ARHGAP32: variants seen among roughly 807,000 people sequenced by gnomAD.
The protein encoded by ARHGAP32 is Rho GTPase activating protein 32, also known as rho GTPase-activating protein 32.
In ARHGAP32, 51 loss-of-function variants were observed where a neutral mutation model predicts 186.5. The observed-to-expected ratio is 0.27, with a 90% CI of 0.22 to 0.35. The LOEUF is 0.35. Among genes scored for constraint, ARHGAP32 ranks in the 10% least tolerant of loss-of-function variants. ARHGAP32 has a pLI of 1.00. For missense variants in ARHGAP32, 2,186 were observed against 2,623.5 expected, an observed-to-expected ratio of 0.83 and a Z score of 3.64; for synonymous variants, 950 against 964.3, an observed-to-expected ratio of 0.99 and a Z score of 0.27.
chr11:129,038,888 G>GAAAAAAAAAAAAAAAAA (rs56810685), intron 11 of ARHGAP32, among the ~76,000 whole-genome samples: 2 of 92,190 alleles, frequency 2.2e-5, no homozygotes, highest in Non-Finnish European at 2.1e-5. Flanking sequence ...ACCCTGTCTC[G>GAAAAAAAAAAAAAAAAA]AAAAAAAAAA....
intron 12 of ARHGAP32, among the ~76,000 whole-genome samples, chr11:128,996,194 C>T (rs1002750571): frequency 1.3e-5 from 2 of 152,104 alleles, no homozygotes; most frequent in Non-Finnish European, 2.9e-5. Context: ...TCCATGATTA[C>T]AAATAAGGAT....
chr11:128,970,114 T>C lies in ARHGAP32; in HGVS notation c.5099A>G (p.Asn1700Ser), dbSNP rs1591481898. 1.9e-6 allele frequency: 3 copies of C among 1,614,006 alleles called. No individual in the cohort carries two copies. Among genetic ancestry groups the C allele is most frequent in the South Asian group, 2.2e-5 (2 of 91,086 alleles). The part of the protein sequence containing the change: ...VQLRPLHRLP[N>S]RDFAFYNPRL... ...AGGATTGTAGAAAGCAAAGTCTCGA[T>C]TGGGAAGGCGGTGAAGGGGTCTCAA... The change falls in exon 23 of 23, where the codon AAT becomes AGT. Residue 1700 changes from asparagine (N) to serine (S), a missense_variant. Physicochemically the swap from Asn to Ser is conservative, Grantham distance 46. Transcript: ENST00000682385. This position sits in a 1 kb window ranked among gnomAD's most constrained non-coding sequence, Gnocchi z 5.8.
At chr11:129,186,205 A>G (rs976105266) in intron 1 of ARHGAP32, among the ~76,000 whole-genome samples, 3 of 152,192 alleles carry the variant, frequency 2.0e-5, no homozygotes, top group Non-Finnish European at 4.4e-5. Flanking sequence ...CAACCTAATA[A>G]CCAGGAACTT....
intron 6 of ARHGAP32, among the ~76,000 whole-genome samples, chr11:129,075,046 A>T (rs1940994075): frequency 6.6e-6 from 1 of 152,160 alleles, no homozygotes; most frequent in African/African-American, 2.4e-5. Flanking sequence ...TATATATCAC[A>T]ATAAAGTTGG....
chr11:129,244,264 G>C (rs1945057454), intron 1 of ARHGAP32, among the ~76,000 whole-genome samples: 1 of 152,158 alleles, frequency 6.6e-6, no homozygotes, highest in Admixed American at 6.5e-5. Context: ...GAGTCAGAGA[G>C]ATAATTAACT....
chr11:129,153,733 A>G (rs1565446736), intron 2 of ARHGAP32, among the ~76,000 whole-genome samples: 2 of 152,222 alleles, frequency 1.3e-5, no homozygotes, highest in African/African-American at 4.8e-5. Context: ...ACAAACATCA[A>G]GTCAAGATGG....
At chr11:129,229,449 TA>T (rs1417480408) in intron 1 of ARHGAP32, among the ~76,000 whole-genome samples, 2 of 152,148 alleles carry the variant, frequency 1.3e-5, no homozygotes, top group Non-Finnish European at 2.9e-5. Context: ...TTCCCCTAAT[TA>T]AACTTTTTAC....
chr11:129,086,820 C>CAAAAA (rs150471534), intron 6 of ARHGAP32, among the ~76,000 whole-genome samples: 1 of 78,040 alleles, frequency 1.3e-5, no homozygotes, highest in Admixed American at 1.4e-4. Flanking sequence ...GACTCCATCT[C>CAAAAA]AAAAAAAAAA....
chr11:129,017,574 T>C (rs1938413944), intron 11 of ARHGAP32, among the ~76,000 whole-genome samples: 2 of 152,096 alleles, frequency 1.3e-5, no homozygotes, highest in South Asian at 2.1e-4. Context: ...TTAATAAATG[T>C]GCTATTGTTA....
chr11:129,031,894 G>C (rs1366458006), intron 11 of ARHGAP32, among the ~76,000 whole-genome samples: 1 of 152,208 alleles, frequency 6.6e-6, no homozygotes, highest in Non-Finnish European at 1.5e-5. Flanking sequence ...GGACGTTTGA[G>C]AGAAGCAGAC....
chr11:129,068,045 G>C (rs979472235), intron 6 of ARHGAP32, among the ~76,000 whole-genome samples: 7 of 152,028 alleles, frequency 4.6e-5, no homozygotes, highest in Non-Finnish European at 8.8e-5. Flanking sequence ...TGAGACTTTT[G>C]AAGAACAGTG....
intron 1 of ARHGAP32, among the ~76,000 whole-genome samples, chr11:129,230,413 C>T (rs1400182001): frequency 6.6e-6 from 1 of 152,104 alleles, no homozygotes; most frequent in Non-Finnish European, 1.5e-5. Context: ...TTTCCTCTCC[C>T]TAATCTCTCT....
Position 128,972,937 on chromosome 11 carries a change from G to C in ARHGAP32, c.3569C>G (p.Ser1190Cys), listed in dbSNP as rs778300378. The change falls in exon 22 of 23, where the codon TCT (serine) becomes TGT (cysteine). Residue 1190 changes from serine to cysteine, a missense_variant. Physicochemically the swap from Ser to Cys is moderately radical, Grantham distance 112 (BLOSUM62 -1). Coordinates refer to ENST00000682385, the MANE Select transcript of ARHGAP32 (RefSeq NM_001378024.1). Reference protein sequence around the residue: ...ITSVPLDSEKSDDHVSFPEDQ... With the variant: ...ITSVPLDSEKCDDHVSFPEDQ... ...TTCAGGGAAACTTACATGATCATCAGACTTCTCTGAGTCTAAGGGAACTGA... is the reference window on the plus strand; with the variant it reads ...TTCAGGGAAACTTACATGATCATCACACTTCTCTGAGTCTAAGGGAACTGA... The C allele has an allele frequency of 1.9e-6, 3 of 1,613,974 alleles. No homozygotes were observed. In the South Asian group the frequency reaches 3.3e-5, roughly 18 times the overall value.
chr11:129,000,680 G>A (rs192469103), intron 11 of ARHGAP32, among the ~76,000 whole-genome samples: 1 of 152,002 alleles, frequency 6.6e-6, no homozygotes, highest in Non-Finnish European at 1.5e-5. Context: ...TTTGACTGTA[G>A]TCAGCCTGTT....
chr11:128,974,163 T>C lies in ARHGAP32; in HGVS notation c.3034A>G (p.Ser1012Gly), dbSNP rs754876807. ...CCAGAAGCTACAGCCTTACTCTGACTGCTTGAGACAGACTGATCCTCTTTC... is the reference window on the plus strand; with the variant it reads ...CCAGAAGCTACAGCCTTACTCTGACCGCTTGAGACAGACTGATCCTCTTTC... ...PGKEDQSVSS[S>G]QSKAVASGQT... is the part of the protein sequence containing the mutation. Residue 1012 changes from serine to glycine, a missense_variant, in exon 21 of 23, where the codon AGT becomes GGT. Ser to Gly is a moderately conservative substitution (Grantham distance 56). This residue lies in a region of ARHGAP32 where 1,502 missense variants were observed against 1,570.0 expected (regional missense o/e 0.96). Coordinates refer to ENST00000682385, the MANE Select transcript of ARHGAP32 (RefSeq NM_001378024.1). 6.2e-7 allele frequency: 1 copy of C among 1,614,200 alleles called. No individual in the cohort carries two copies. The highest frequency in any genetic ancestry group is 2.2e-5 in the East Asian group (1 of 44,878).
intron 1 of ARHGAP32, among the ~76,000 whole-genome samples, chr11:129,165,359 A>G (rs1471515002): frequency 1.3e-5 from 2 of 151,808 alleles, no homozygotes; most frequent in Admixed American, 1.3e-4. Flanking sequence ...ATGGAGGAGC[A>G]CTGAAAAACC....
chr11:129,158,348 A>G (rs1046042397), intron 2 of ARHGAP32, among the ~76,000 whole-genome samples: 2 of 151,384 alleles, frequency 1.3e-5, no homozygotes, highest in South Asian at 2.1e-4. Context: ...ATGCGCACAT[A>G]GGCTCAAAAT....
At chr11:129,182,091 T>C (rs917424805) in intron 1 of ARHGAP32, among the ~76,000 whole-genome samples, 8 of 152,140 alleles carry the variant, frequency 5.3e-5, no homozygotes, top group African/African-American at 1.9e-4. Context: ...TATCAATACA[T>C]AGAACTTCTT....
At chr11:129,116,731 A>G (rs955208221) in intron 5 of ARHGAP32, among the ~76,000 whole-genome samples, 1 of 152,068 alleles carries the variant, frequency 6.6e-6, no homozygotes, top group Non-Finnish European at 1.5e-5. Context: ...CTTAACTGAT[A>G]GGAAGTACTC....
Sources: gnomAD v4.1 joint callset for allele counts (sites outside exome capture counted in the v4.1 genomes callset) on GRCh38, gnomAD v4.1.1 for gene constraint, gnomAD v4.1.1 regional missense constraint, Gnocchi (gnomAD v3.1) non-coding constraint, MANE v1.5 for transcripts, NCBI Gene and HGNC (gene_info 2026-07-23, HGNC 2026-07-21) for gene names.